The following PTPRD variants were observed in gnomAD, a reference collection of about 807,000 sequenced individuals.
PTPRD encodes protein tyrosine phosphatase receptor type D.
Under a neutral mutation model 214.5 loss-of-function variants are expected in PTPRD, and 34 were observed. That is an observed-to-expected ratio of 0.16 (90% CI 0.12 to 0.21). The LOEUF is 0.21. Ranked by LOEUF, PTPRD falls within the 10% of genes least tolerant of loss-of-function variation. The pLI is 1.00. For missense variants in PTPRD, 2,545 were observed against 2,398.7 expected (o/e 1.06, Z -1.27); for synonymous variants, 1,128 against 845.7 (o/e 1.33, Z -5.79).
chr9:9,217,582 A>G (rs117237364), intron 9 of PTPRD, among the ~76,000 whole-genome samples: 2,193 of 152,268 alleles, frequency 0.014, 29 homozygotes, highest in Middle Eastern at 0.061. Flanking sequence ...CTACACAGCT[A>G]TCTTCCTAAG....
chr9:10,034,395 C>T (rs1328447188), intron 3 of PTPRD, among the ~76,000 whole-genome samples: 2 of 142,162 alleles, frequency 1.4e-5, no homozygotes, highest in Non-Finnish European at 3.0e-5. Flanking sequence ...TCTGTCTCAG[C>T]TCCTGGCTCT....
chr9:9,301,221 G>A (rs1374971481), intron 9 of PTPRD, among the ~76,000 whole-genome samples: 1 of 151,824 alleles, frequency 6.6e-6, no homozygotes, highest in Non-Finnish European at 1.5e-5. Context: ...AACTAAATAA[G>A]ATATAATTTT....
At chr9:9,206,264 C>T (rs1193724616) in intron 9 of PTPRD, among the ~76,000 whole-genome samples, 1 of 152,088 alleles carries the variant, frequency 6.6e-6, no homozygotes, top group Admixed American at 6.6e-5. Context: ...TGACATACAG[C>T]TTTATAGACC....
At chr9:9,672,712 T>A (rs2096854597) in intron 7 of PTPRD, among the ~76,000 whole-genome samples, 1 of 152,074 alleles carries the variant, frequency 6.6e-6, no homozygotes, top group Non-Finnish European at 1.5e-5. Flanking sequence ...GGAGTTATTA[T>A]CCACCCAGTT....
At chr9:10,444,326 C>G (rs557182685) in intron 2 of PTPRD, among the ~76,000 whole-genome samples, 2 of 151,866 alleles carry the variant, frequency 1.3e-5, no homozygotes, top group South Asian at 4.1e-4. Flanking sequence ...TTTAATGACT[C>G]ACAAAGAAGA....
intron 2 of PTPRD, among the ~76,000 whole-genome samples, chr9:10,434,146 A>AT (rs1229157049): frequency 1.3e-5 from 2 of 151,566 alleles, no homozygotes; most frequent in Non-Finnish European, 2.9e-5. Flanking sequence ...GAATGCAATT[A>AT]TTTTTTTTAT....
At chr9:8,501,123 ATG>A in intron 23 of PTPRD, 64 bp from the exon 24 acceptor site, 1 of 1,275,060 alleles carries the variant, frequency 7.8e-7, no homozygotes, top group Non-Finnish European at 1.1e-6. Flanking sequence ...GAAAAAAAAA[ATG>A]ATAAAACAAA....
intron 11 of PTPRD, among the ~76,000 whole-genome samples, chr9:8,876,236 T>C (rs2098388597): frequency 6.6e-6 from 1 of 152,064 alleles, no homozygotes; most frequent in Non-Finnish European, 1.5e-5. Context: ...GTTGTTGTTG[T>C]TGTTGTTTAA....
intron 20 of PTPRD, among the ~76,000 whole-genome samples, chr9:8,520,119 C>G (rs1396786401): frequency 6.6e-6 from 1 of 152,142 alleles, no homozygotes; most frequent in Admixed American, 6.5e-5. Context: ...AAAGCAAATA[C>G]AAATATTGCT....
chr9:9,490,497 T>C (rs970557594), intron 8 of PTPRD, among the ~76,000 whole-genome samples: 8 of 152,074 alleles, frequency 5.3e-5, no homozygotes, highest in African/African-American at 1.4e-4. Flanking sequence ...TTGTTTACTA[T>C]ATAATTTAAG....
At chr9:8,532,106 C>T (rs1353104986) in intron 14 of PTPRD, among the ~76,000 whole-genome samples, 1 of 152,024 alleles carries the variant, frequency 6.6e-6, no homozygotes, top group Non-Finnish European at 1.5e-5. Flanking sequence ...ATCCATCCCC[C>T]TTTGCACAGA....
intron 2 of PTPRD, among the ~76,000 whole-genome samples, chr9:10,519,062 C>G (rs1401635617): frequency 6.6e-6 from 1 of 151,766 alleles, no homozygotes; most frequent in Non-Finnish European, 1.5e-5. Context: ...TCTGATACTA[C>G]AAATCCAGCA....
rs533749610 is a variant in PTPRD at position 9,504,033 on chromosome 9, C to T, written c.-237+70699G>A. Among the ~76,000 whole-genome samples the T allele has an allele frequency of 5.9e-5, 9 of 151,642 alleles. No homozygotes were observed. In the South Asian group the frequency reaches 1.9e-3, roughly 31 times the overall value. ...TTTAAAAATCTTTGTCTTCCTTTAC[C>T]TCCCCAAATGCACCACATAGTTACC... On this transcript the variant is annotated intron_variant, in intron 8 of 45. Transcript: ENST00000381196.
chr9:8,906,135 A>G (rs2098706088), intron 11 of PTPRD, among the ~76,000 whole-genome samples: 1 of 152,208 alleles, frequency 6.6e-6, no homozygotes, highest in African/African-American at 2.4e-5. Context: ...GTAAGGACCT[A>G]TGCCCTGAGT....
intron 10 of PTPRD, among the ~76,000 whole-genome samples, chr9:9,066,709 A>T (rs966578464): frequency 2.6e-5 from 4 of 152,196 alleles, no homozygotes; most frequent in Non-Finnish European, 5.9e-5. Context: ...AGACAGGACC[A>T]CAAAGGCAGA....
intron 8 of PTPRD, among the ~76,000 whole-genome samples, chr9:9,469,805 ACTTG>A (rs2094468716): frequency 6.6e-6 from 1 of 152,152 alleles, no homozygotes; most frequent in Admixed American, 6.5e-5. Flanking sequence ...ATGCAAATTG[ACTTG>A]CTTATTTTGT....
intron 9 of PTPRD, among the ~76,000 whole-genome samples, chr9:9,204,691 G>A (rs1164070413): frequency 6.6e-6 from 1 of 152,070 alleles, no homozygotes; most frequent in Non-Finnish European, 1.5e-5. Flanking sequence ...CCTGTTAAAT[G>A]CAACTGAAAA....
At chr9:10,234,923 C>G (rs372202323) in intron 3 of PTPRD, among the ~76,000 whole-genome samples, 1 of 151,720 alleles carries the variant, frequency 6.6e-6, no homozygotes, top group East Asian at 1.9e-4. Context: ...ATTTATGAAA[C>G]AAGATTATAA....
chr9:8,990,890 C>T (rs2099363716), intron 11 of PTPRD, among the ~76,000 whole-genome samples: 1 of 151,958 alleles, frequency 6.6e-6, no homozygotes, highest in Non-Finnish European at 1.5e-5. Context: ...TGCTACATGG[C>T]TGCCTATACT....
Sources: gnomAD v4.1 joint callset for allele counts (sites outside exome capture counted in the v4.1 genomes callset) on GRCh38, gnomAD v4.1.1 for gene constraint, MANE v1.5 for transcripts, NCBI Gene and HGNC (gene_info 2026-07-23, HGNC 2026-07-21) for gene names.